LRMDA: variants seen among roughly 807,000 people sequenced by gnomAD.
LRMDA encodes the protein leucine-rich melanocyte differentiation-associated protein.
LRMDA carries 18 observed loss-of-function variants against 29.8 expected under a neutral mutation model. The observed-to-expected ratio is 0.60, with a 90% CI of 0.42 to 0.90. The LOEUF (loss-of-function observed/expected upper bound fraction) is 0.90, where lower values mean the gene tolerates loss of function less well. Ranked by LOEUF, LRMDA falls within the 40% of genes least tolerant of loss-of-function variation. LRMDA has a pLI of 0.00. For missense variants in LRMDA, 273 were observed against 273.9 expected, an observed-to-expected ratio of 1.00 and a Z score of 0.02; for synonymous variants, 125 against 109.4, an observed-to-expected ratio of 1.14 and a Z score of -0.89.
At chr10:75,836,035 GA>G (rs1180908857) in intron 2 of LRMDA, among the ~76,000 whole-genome samples, 4 of 151,932 alleles carry the variant, frequency 2.6e-5, no homozygotes, top group East Asian at 1.9e-4. Flanking sequence ...CACTGAATAA[GA>G]AAAAAAATCC....
intron 2 of LRMDA, among the ~76,000 whole-genome samples, chr10:75,646,735 A>C (rs1271834970): frequency 6.6e-6 from 1 of 152,220 alleles, no homozygotes; most frequent in Admixed American, 6.5e-5. Context: ...GCGTGGACTG[A>C]CAGTTATTAA....
rs548515707 is a variant in LRMDA at position 76,150,336 on chromosome 10, C to G, written c.516+91553C>G. The stretch of plus-strand genomic sequence containing the variant: ...TGCTTTGTTTGACATCCAAACAACT[C>G]TTTTAAAATGTGGCTCTAGCCCCAC... On this transcript the variant is annotated intron_variant, in intron 5 of 6. Transcript: ENST00000611255. Among the ~76,000 whole-genome samples the G allele has an allele frequency of 6.6e-5, 10 of 152,320 alleles. No homozygotes were observed. The South Asian group carries it at 1.9e-3, about 28-fold the overall frequency.
intron 2 of LRMDA, among the ~76,000 whole-genome samples, chr10:75,491,869 A>C (rs1844992162): frequency 6.6e-6 from 1 of 152,222 alleles, no homozygotes; most frequent in Non-Finnish European, 1.5e-5. Flanking sequence ...CTCCGTGAGC[A>C]AATGTAAGAG....
chr10:75,753,100 A>G (rs1216378561), intron 2 of LRMDA, among the ~76,000 whole-genome samples: 1 of 152,002 alleles, frequency 6.6e-6, no homozygotes, highest in Non-Finnish European at 1.5e-5. Flanking sequence ...TTTCCTCCAT[A>G]TGTAAAATGG....
At chr10:76,533,525 A>G (rs929260374) in intron 6 of LRMDA, among the ~76,000 whole-genome samples, 2 of 152,176 alleles carry the variant, frequency 1.3e-5, no homozygotes, top group African/African-American at 4.8e-5. Context: ...GCTGTCATTC[A>G]GGAGCTTGCA....
intron 2 of LRMDA, among the ~76,000 whole-genome samples, chr10:75,805,986 A>C (rs983217943): frequency 7.9e-5 from 12 of 152,174 alleles, no homozygotes; most frequent in African/African-American, 2.9e-4. Context: ...CTGTACAAGC[A>C]TGACATCTGA....
chr10:75,874,282 C>T (rs1213984148), intron 2 of LRMDA, among the ~76,000 whole-genome samples: 3 of 152,048 alleles, frequency 2.0e-5, no homozygotes, highest in South Asian at 2.1e-4. Flanking sequence ...AAGATGATTT[C>T]AGAAGAAGGG....
At chr10:75,807,805 G>A (rs554124919) in intron 2 of LRMDA, among the ~76,000 whole-genome samples, 1 of 152,256 alleles carries the variant, frequency 6.6e-6, no homozygotes, top group Non-Finnish European at 1.5e-5. Context: ...TTCTAAATAG[G>A]GAGTGTGTAA....
chr10:75,537,626 G>A (rs1356334768), intron 2 of LRMDA, among the ~76,000 whole-genome samples: 2 of 152,228 alleles, frequency 1.3e-5, no homozygotes, highest in African/African-American at 2.4e-5. Flanking sequence ...GGACAAATGT[G>A]TAAGGGATTT....
chr10:75,587,712 G>A (rs915913460), intron 2 of LRMDA, among the ~76,000 whole-genome samples: 2 of 152,184 alleles, frequency 1.3e-5, no homozygotes, highest in African/African-American at 2.4e-5. Context: ...TGACAGAATT[G>A]GGATCCAAAG....
At chr10:75,577,271 A>G (rs938118123) in intron 2 of LRMDA, among the ~76,000 whole-genome samples, 23 of 152,202 alleles carry the variant, frequency 1.5e-4, no homozygotes, top group African/African-American at 4.3e-4. Context: ...GAATCAATCA[A>G]GTGGAAGAAA....
At chr10:75,677,421 G>A (rs117155054) in intron 2 of LRMDA, among the ~76,000 whole-genome samples, 1,543 of 151,728 alleles carry the variant, frequency 0.01, 16 homozygotes, top group Non-Finnish European at 0.015. Context: ...GATGAATCAG[G>A]TTTAAAAAAA....
intron 6 of LRMDA, among the ~76,000 whole-genome samples, chr10:76,409,165 C>T (rs1047561361): frequency 2.0e-5 from 3 of 152,172 alleles, no homozygotes; most frequent in Admixed American, 2.0e-4. Context: ...AGGATGGACA[C>T]GTACCACACT....
chr10:75,510,694 A>T (rs1845215437), intron 2 of LRMDA, among the ~76,000 whole-genome samples: 1 of 152,128 alleles, frequency 6.6e-6, no homozygotes, highest in South Asian at 2.1e-4. Flanking sequence ...GTGGTCTGTG[A>T]CAGTTCCTGT....
chr10:75,482,429 C>G (rs1392437909), intron 2 of LRMDA, among the ~76,000 whole-genome samples: 2 of 152,160 alleles, frequency 1.3e-5, no homozygotes, highest in East Asian at 3.8e-4. Context: ...TTTGGTGTAG[C>G]TTGTTAGGCA....
intron 5 of LRMDA, among the ~76,000 whole-genome samples, chr10:76,157,525 G>C (rs1470812840): frequency 6.6e-6 from 1 of 152,004 alleles, no homozygotes; most frequent in African/African-American, 2.4e-5. Context: ...GAGGCAGGAA[G>C]ATTGCTTGAG....
At chr10:75,693,460 T>C (rs1316814606) in intron 2 of LRMDA, among the ~76,000 whole-genome samples, 1 of 152,216 alleles carries the variant, frequency 6.6e-6, no homozygotes, top group Non-Finnish European at 1.5e-5. Context: ...ATTTGTTAAA[T>C]TAATTCAGTT....
chr10:75,471,703 C>T (rs1288841761), intron 2 of LRMDA, among the ~76,000 whole-genome samples: 1 of 152,178 alleles, frequency 6.6e-6, no homozygotes, highest in Non-Finnish European at 1.5e-5. Flanking sequence ...TTTTTTACCT[C>T]ATGCTGACGT....
intron 6 of LRMDA, among the ~76,000 whole-genome samples, chr10:76,475,253 T>G (rs1213064531): frequency 2.6e-5 from 4 of 151,884 alleles, no homozygotes; most frequent in African/African-American, 9.6e-5. Context: ...GTTTTCAGAT[T>G]GTGGTGATGA....
Sources: allele counts gnomAD v4.1 joint callset (sites outside exome capture counted in the v4.1 genomes callset), GRCh38; gene constraint gnomAD v4.1.1; transcripts MANE v1.5; gene names NCBI Gene and HGNC (gene_info 2026-07-23, HGNC 2026-07-21).